HIP1: variants seen among roughly 807,000 people sequenced by gnomAD.
HIP1 encodes huntingtin interacting protein 1.
In HIP1, 65 loss-of-function variants were observed where a neutral mutation model predicts 147.6. The ratio of observed to expected loss-of-function variants is 0.44; its 90% CI spans 0.36 to 0.54. The LOEUF (loss-of-function observed/expected upper bound fraction) is 0.54, where lower values mean the gene tolerates loss of function less well. Among genes scored for constraint, HIP1 ranks in the 20% least tolerant of loss-of-function variants. The pLI, the probability that HIP1 is intolerant of heterozygous loss-of-function variation, is 0.00. For missense variants in HIP1, 1,061 were observed against 1,299.6 expected (o/e 0.82, Z 2.82); for synonymous variants, 479 against 504.0 (o/e 0.95, Z 0.67).
At chr7:75,711,247 A>G (rs1554520096) in intron 1 of HIP1, among the ~76,000 whole-genome samples, 1 of 152,212 alleles carries the variant, frequency 6.6e-6, no homozygotes, top group Non-Finnish European at 1.5e-5. Context: ...CAACTCTTAG[A>G]TTGCAACATC....
At position 75,705,361 on chromosome 7, in the gene HIP1, C is replaced by CT. The variant is rs869130124; in HGVS notation, c.120+33439dup. The stretch of plus-strand genomic sequence containing the variant: ...TAGCATGTAACAGCAGGATCTCTAC[C>CT]TTTTTTTTTTTTCTTTTTTTTTTGA... On this transcript the variant is annotated intron_variant, in intron 1 of 30. Coordinates refer to ENST00000336926, the MANE Select transcript of HIP1 (RefSeq NM_005338.7). Among the ~76,000 whole-genome samples the CT allele has an allele frequency of 7.2e-3, 1,052 of 145,564 alleles. 17 individuals carry two copies. The highest frequency in any genetic ancestry group is 0.022 in the African/African-American group (878 of 39,906).
rs587618937 is a variant in HIP1, at chr7:75,589,667, A to C, written c.384+2389T>G. Reference sequence around the variant, plus strand: ...CAGTGTACTCTGGCCCAGGCAACAGAGCAAGACTCTGTCTCCAAAAAAAAA... The same window carrying C: ...CAGTGTACTCTGGCCCAGGCAACAGCGCAAGACTCTGTCTCCAAAAAAAAA... On this transcript the variant is annotated intron_variant, in intron 4 of 30. Transcript: ENST00000336926. Among the ~76,000 whole-genome samples, 532 of 119,532 alleles carry C rather than the reference A, an allele frequency of 4.5e-3. 4 individuals carry two copies. The highest frequency in any genetic ancestry group is 0.016 in the African/African-American group (509 of 32,196). 78.4% of individuals were successfully genotyped at this position (119,532 alleles called of 152,430 possible). A position where few individuals can be genotyped will look rare whatever the true frequency, so the allele number is the denominator to read the frequency against.
chr7:75,603,822 G>A (rs1797108608), intron 1 of HIP1, among the ~76,000 whole-genome samples: 1 of 151,448 alleles, frequency 6.6e-6, no homozygotes, highest in Non-Finnish European at 1.5e-5. Flanking sequence ...GCAGTGAGCC[G>A]TGATCGCCCC....
chr7:75,553,416 G>T (rs1299227485), intron 22 of HIP1, 37 bp downstream of exon 22: 2 of 1,605,688 alleles, frequency 1.2e-6, no homozygotes, highest in Non-Finnish European at 1.7e-6. Flanking sequence ...ACACCCAGAA[G>T]AATAACAATG....
intron 7 of HIP1, among the ~76,000 whole-genome samples, chr7:75,575,395 G>T (rs2094552522): frequency 6.6e-6 from 1 of 152,140 alleles, no homozygotes; most frequent in African/African-American, 2.4e-5. Flanking sequence ...GGAAGGTGGA[G>T]GTTGCAGTGA....
At position 75,650,453 on chromosome 7, in the gene HIP1, C is replaced by CTTTTTTTTTTT. The variant is rs782108312; in HGVS notation, c.121-51217_121-51207dup. On this transcript the variant is annotated intron_variant, in intron 1 of 30. Coordinates refer to ENST00000336926, the MANE Select transcript of HIP1 (RefSeq NM_005338.7). ...CAGGGATGTGTCTCTGCCCAGTTAT[C>CTTTTTTTTTTT]TTTTTTTTTTTTTTTTTGAGACAGA... Among the ~76,000 whole-genome samples, 1,003 of 126,398 alleles carry CTTTTTTTTTTT rather than the reference C, an allele frequency of 7.9e-3. 53 individuals are homozygous for CTTTTTTTTTTT. The highest frequency in any genetic ancestry group is 0.024 in the African/African-American group (769 of 32,412). 82.9% of individuals were successfully genotyped at this position (126,398 alleles called of 152,430 possible). A position where few individuals can be genotyped will look rare whatever the true frequency, so the allele number is the denominator to read the frequency against.
rs1799450263 is a variant in HIP1, at chr7:75,664,151, T to C, written c.121-64904A>G. 5.0e-5 allele frequency among the ~76,000 whole-genome samples: 2 copies of C among 39,768 alleles called. 1 individual carries two copies. Among genetic ancestry groups the C allele is most frequent in the Admixed American group, 5.7e-4 (2 of 3,498 alleles). The allele number at this position is 39,768 out of a possible 152,430, so 26.1% of individuals were successfully genotyped here. A position where few individuals can be genotyped will look rare whatever the true frequency, so the allele number is the denominator to read the frequency against. The stretch of plus-strand genomic sequence containing the variant: ...ACACATGTGTGTACATACATACATG[T>C]ATGTGTGTATATTTACATACATATA... On this transcript the variant is annotated intron_variant, in intron 1 of 30. Coordinates refer to ENST00000336926, the MANE Select transcript of HIP1 (RefSeq NM_005338.7).
chr7:75,620,112 C>T (rs1285108801), intron 1 of HIP1, among the ~76,000 whole-genome samples: 1 of 152,148 alleles, frequency 6.6e-6, no homozygotes, highest in South Asian at 2.1e-4. Flanking sequence ...AGTGAGGGTG[C>T]GGTGGCTCAT....
At chr7:75,618,580 C>T (rs1177051781) in intron 1 of HIP1, among the ~76,000 whole-genome samples, 5 of 152,186 alleles carry the variant, frequency 3.3e-5, no homozygotes, top group African/African-American at 9.7e-5. Context: ...AGCCACCGCA[C>T]CCAGCTGTTT....
rs1554500905 is a variant in HIP1, at chr7:75,592,113, C to A, written c.328-1G>T. ...TGTATCTCAGAGAGTCCTTCAGGAC[C>A]TGCAGGGGCAAAAGAACAGCCTGTG... is the stretch of plus-strand genomic sequence containing the variant. On this transcript the variant is annotated splice_acceptor_variant, in intron 3 of 30. Transcript: ENST00000336926. LOFTEE classifies it high-confidence loss of function. 1 of 1,613,188 alleles carries A rather than the reference C, an allele frequency of 6.2e-7. No homozygotes were observed. The highest frequency in any genetic ancestry group is 8.5e-7 in the Non-Finnish European group (1 of 1,179,280).
At chr7:75,724,758 GCCACAACTTGGGCATGT>G (rs765131932) in intron 1 of HIP1, among the ~76,000 whole-genome samples, 126 of 152,310 alleles carry the variant, frequency 8.3e-4, no homozygotes, top group Non-Finnish European at 1.6e-3. Context: ...ATGAATGGAA[GCCACAACTTGGGCATGT>G]GGAATAGCAA....
intron 4 of HIP1, among the ~76,000 whole-genome samples, chr7:75,590,605 A>G (rs1796469162): frequency 6.6e-6 from 1 of 152,368 alleles, no homozygotes; most frequent in South Asian, 2.1e-4. Flanking sequence ...AAAGACTACC[A>G]TCCTGGATAA....
At chr7:75,559,531 C>T (rs1260939600) in intron 14 of HIP1, among the ~76,000 whole-genome samples, 1 of 152,200 alleles carries the variant, frequency 6.6e-6, no homozygotes, top group East Asian at 1.9e-4. Flanking sequence ...CTGTGCTCAG[C>T]GGTGCCTCGC....
At chr7:75,661,975 T>C (rs554256654) in intron 1 of HIP1, among the ~76,000 whole-genome samples, 36 of 148,940 alleles carry the variant, frequency 2.4e-4, no homozygotes, top group African/African-American at 8.7e-4. Context: ...AGGAACGGAG[T>C]GAAGAGGAAG....
intron 2 of HIP1, among the ~76,000 whole-genome samples, chr7:75,597,568 C>T (rs1184256856): frequency 1.1e-4 from 16 of 151,916 alleles, no homozygotes; most frequent in African/African-American, 3.4e-4. Context: ...GGCAAAACCC[C>T]GTCTCTACTA....
chr7:75,559,903 C>A lies in HIP1; in HGVS notation c.1204G>T (p.Val402Leu). 1 of 1,604,240 alleles carries A rather than the reference C, an allele frequency of 6.2e-7. No homozygotes were observed. The highest frequency in any genetic ancestry group is 2.2e-5 in the East Asian group (1 of 44,762). Reference sequence around the variant, plus strand: ...CTGACGTGGCCCTTCAGCTGCAGCACAACCCGCTGGCTCTGTGGGGGGACT... The same window carrying A: ...CTGACGTGGCCCTTCAGCTGCAGCAAAACCCGCTGGCTCTGTGGGGGGACT... ...ENMKTESQRV[V>L]LQLKGHVSEL... is the part of the protein sequence containing the mutation. The change falls in exon 14 of 31, where the codon GTG becomes TTG. Residue 402 changes from valine to leucine, a missense_variant. Val to Leu is a conservative substitution (Grantham distance 32). Transcript: ENST00000336926.
intron 1 of HIP1, among the ~76,000 whole-genome samples, chr7:75,643,571 G>A (rs185292261): frequency 2.0e-4 from 31 of 152,348 alleles, no homozygotes; most frequent in East Asian, 1.9e-4. Flanking sequence ...GTGCATGGAT[G>A]AGACCTGGGA....
At chr7:75,639,314 G>C (rs1418471498) in intron 1 of HIP1, 3 of 267,250 alleles carry the variant, frequency 1.1e-5, no homozygotes, top group Non-Finnish European at 1.7e-5. Context: ...CGCGCGCCGG[G>C]GGCGGGGGAG....
intron 8 of HIP1, among the ~76,000 whole-genome samples, chr7:75,571,376 C>G (rs1287145324): frequency 3.3e-5 from 5 of 152,188 alleles, no homozygotes; most frequent in African/African-American, 1.2e-4. Context: ...GGGCCCACTC[C>G]ACCCTCTCAG....
Sources: gnomAD v4.1 joint callset for allele counts (sites outside exome capture counted in the v4.1 genomes callset) on GRCh38, gnomAD v4.1.1 for gene constraint, MANE v1.5 for transcripts, NCBI Gene and HGNC (gene_info 2026-07-23, HGNC 2026-07-21) for gene names.